Variants in TARS2 observed in about 807,000 individuals in gnomAD.
TARS2 encodes the protein threonine--tRNA ligase, mitochondrial.
Under a neutral mutation model 94.4 loss-of-function variants are expected in TARS2, and 61 were observed. The ratio of observed to expected loss-of-function variants is 0.65; its 90% confidence interval spans 0.53 to 0.80. The LOEUF (loss-of-function observed/expected upper bound fraction) is 0.80. Among genes scored for constraint, TARS2 ranks in the 30% least tolerant of loss-of-function variants. The probability of loss-of-function intolerance (pLI) is 0.00; values close to 1 mark genes in which losing one functional copy is unlikely to be tolerated. For missense variants in TARS2, 704 were observed against 902.5 expected, an observed-to-expected ratio of 0.78 and a Z score of 2.82; for synonymous variants, 359 against 353.4, an observed-to-expected ratio of 1.02 and a Z score of -0.18.
intron 13 of TARS2, among the ~76,000 whole-genome samples, chr1:150,503,930 C>G (rs10888584): frequency 0.6 from 89,324 of 148,844 alleles, 27,190 homozygotes; most frequent in African/African-American, 0.65. Flanking sequence ...AGGAATAATT[C>G]TCAGAGCTGG....
Position 150,494,086 on chromosome 1 carries a change from C to G in TARS2, c.774+1597C>G, listed in dbSNP as rs190683124. Among the ~76,000 whole-genome samples, 3 of 152,098 alleles carry G rather than the reference C, an allele frequency of 2.0e-5. No homozygotes were observed. The East Asian group carries it at 5.8e-4, about 29-fold the overall frequency. ...CCTCATAAAGATAATGAAAACCAGG[C>G]CAGGCATGGTGGCTCACACCTGTAA... On this transcript the variant is annotated intron_variant, in intron 7 of 17. Coordinates refer to ENST00000369064, the MANE Select transcript of TARS2 (RefSeq NM_025150.5).
intron 13 of TARS2, among the ~76,000 whole-genome samples, chr1:150,501,334 T>TTTTTTC (rs1553905147): frequency 3.0e-5 from 3 of 98,672 alleles, no homozygotes; most frequent in Admixed American, 2.2e-4. Context: ...TTTTTTTTTA[T>TTTTTTC]TGAGACTATG....
intron 13 of TARS2, among the ~76,000 whole-genome samples, chr1:150,503,644 T>TGTGTATAC (rs1570867230): frequency 8.5e-6 from 1 of 117,406 alleles, no homozygotes; most frequent in African/African-American, 3.0e-5. Context: ...TGTGTGTATA[T>TGTGTATAC]ATGTGTGTAT....
rs371469378 is a variant in TARS2, at chr1:150,489,937, G to A, written c.388-664G>A. On this transcript the variant is annotated intron_variant, in intron 3 of 17. Transcript: ENST00000369064. ...AGCCTGGGCGACAGAGCGAGACTCC[G>A]TCTCAAAAAGAAAAATTATTCTGAA... 5.3e-5 allele frequency among the ~76,000 whole-genome samples: 8 copies of A among 151,846 alleles called. No homozygotes were observed. In the East Asian group the frequency reaches 5.8e-4, roughly 11 times the overall value.
At position 150,507,294 on chromosome 1, in the gene TARS2, G is replaced by C. The variant is rs587699915; in HGVS notation, c.*230G>C. On this transcript the variant is annotated 3_prime_UTR_variant, in exon 18 of 18. Transcript: ENST00000369064. ...TACAAAAAAAAATAAATTGGGCCAG[G>C]CGCAGTGGCTCATGCCTGTAATCCC... The C allele has an allele frequency of 2.0e-4, 101 of 507,964 alleles. No individual in the cohort carries two copies. In the Middle Eastern group the frequency reaches 3.5e-3, roughly 17 times the overall value. 31.5% of individuals were successfully genotyped at this position (507,964 alleles called of 1,614,324 possible). A position where few individuals can be genotyped will look rare whatever the true frequency, so the allele number is the denominator to read the frequency against.
At chr1:150,495,936 G>A (rs924965615) in intron 7 of TARS2, among the ~76,000 whole-genome samples, 33 of 151,462 alleles carry the variant, frequency 2.2e-4, no homozygotes, top group Non-Finnish European at 4.4e-4. Flanking sequence ...TAGCCAGGAT[G>A]GTCTCGATCT....
chr1:150,491,321 A>G (rs1669372662), intron 4 of TARS2, 73 bp from the exon 5 acceptor site: 4 of 1,467,756 alleles, frequency 2.7e-6, no homozygotes, highest in Non-Finnish European at 3.8e-6. Context: ...CTTACCCGCT[A>G]GCCAACAGGT....
In TARS2 at chr1:150,507,084, G is replaced by A. The variant is rs1210811512; in HGVS notation, c.*20G>A. On this transcript the variant is annotated 3_prime_UTR_variant, in exon 18 of 18. Coordinates refer to ENST00000369064, the MANE Select transcript of TARS2 (RefSeq NM_025150.5). ...TTCTGAGCCTTTGTACATAGATGAG[G>A]CAAAAACCTGCGAGTGCCATCAGCC... The A allele has an allele frequency of 6.2e-7, 1 of 1,611,902 alleles. No individual in the cohort carries two copies. The highest frequency in any genetic ancestry group is 1.1e-5 in the South Asian group (1 of 90,952).
At chr1:150,501,474 ACC>A (rs1669918553) in intron 13 of TARS2, among the ~76,000 whole-genome samples, 1 of 23,346 alleles carries the variant, frequency 4.3e-5, no homozygotes, top group Admixed American at 3.1e-4. Context: ...GGCACCCATC[ACC>A]ATCACCATGC....
intron 6 of TARS2, 85 bp downstream of exon 6, chr1:150,491,747 A>G: frequency 7.1e-7 from 1 of 1,409,580 alleles, no homozygotes; most frequent in Non-Finnish European, 9.9e-7. Flanking sequence ...GAAAGATAGA[A>G]GGTAATTTGT....
chr1:150,504,972 C>G lies in TARS2; in HGVS notation c.1887C>G (p.Ala629=). 1 of 1,613,996 alleles carries G rather than the reference C, an allele frequency of 6.2e-7. No individual in the cohort carries two copies. Among genetic ancestry groups the G allele is most frequent in the Non-Finnish European group, 8.5e-7 (1 of 1,179,996 alleles). The change falls in exon 16 of 18, where the codon GCC becomes GCG. Residue 629 remains alanine (A), a synonymous_variant. Transcript: ENST00000369064. ...IPVGSEQEEY[A]KEAQQSLRAA... ...TGGGGAGTGAGCAAGAGGAATACGC[C>G]AAAGAGGTAAGGAGTTGAGGTAAGG...
At chr1:150,505,349 G>A (rs185018317) in intron 16 of TARS2, among the ~76,000 whole-genome samples, 163 of 152,288 alleles carry the variant, frequency 1.1e-3, no homozygotes, top group African/African-American at 3.6e-3. Context: ...AGAAGGCAAA[G>A]TCCACGGAAT....
chr1:150,504,609 A>AC lies in TARS2; in HGVS notation c.1719-15dup, dbSNP rs397690784. The AC allele has an allele frequency of 0.084, 132,649 of 1,580,618 alleles. 4,776 individuals are homozygous for AC. The highest frequency in any genetic ancestry group is 0.11 in the African/African-American group (8,048 of 73,484). On this transcript the variant is annotated intron_variant, in intron 14 of 17. Coordinates refer to ENST00000369064, the MANE Select transcript of TARS2 (RefSeq NM_025150.5). ...TCGTGATACTTCCACCATTCCATCC[A>AC]CCCCCCCCTTTTTCCTTTCAAGGCA...
intron 13 of TARS2, among the ~76,000 whole-genome samples, chr1:150,501,558 G>A (rs1021661431): frequency 2.0e-5 from 3 of 149,360 alleles, no homozygotes; most frequent in Non-Finnish European, 4.4e-5. Flanking sequence ...GGATGGTCTC[G>A]ATCTGCTGAC....
chr1:150,487,526 G>A lies in TARS2; in HGVS notation c.66+10G>A, dbSNP rs2102469982. 6.2e-7 allele frequency: 1 copy of A among 1,614,190 alleles called. No homozygotes were observed. The highest frequency in any genetic ancestry group is 1.1e-5 in the South Asian group (1 of 91,086). On this transcript the variant is annotated intron_variant, in intron 1 of 17. Coordinates refer to ENST00000369064, the MANE Select transcript of TARS2 (RefSeq NM_025150.5). ...TTGCAGGCTACACACGGTGCGTGAGGCACCCCCAAAGCTCCGATCCGCATC... is the reference window on the plus strand; with the variant it reads ...TTGCAGGCTACACACGGTGCGTGAGACACCCCCAAAGCTCCGATCCGCATC...
intron 10 of TARS2, 44 bp from the exon 11 acceptor site, chr1:150,498,458 C>CCG: frequency 6.6e-6 from 10 of 1,516,268 alleles, no homozygotes; most frequent in Admixed American, 4.7e-5. Context: ...TCTTCGGGGG[C>CCG]TAGTCCTCCC....
At chr1:150,503,685 G>GTA (rs1207042742) in intron 13 of TARS2, among the ~76,000 whole-genome samples, 6 of 148,012 alleles carry the variant, frequency 4.1e-5, no homozygotes, top group Non-Finnish European at 7.4e-5. Flanking sequence ...GTATATATGT[G>GTA]TATATATATG....
rs756030195 is a variant in TARS2, at chr1:150,497,686, G to A, written c.1177G>A (p.Asp393Asn). 15 of 1,614,126 alleles carry A rather than the reference G, an allele frequency of 9.3e-6. No individual in the cohort carries two copies. Among genetic ancestry groups the A allele is most frequent in the Non-Finnish European group, 1.1e-5 (13 of 1,180,032 alleles). Residue 393 changes from aspartate to asparagine, a missense_variant, in exon 10 of 18, where the codon GAT (aspartate) becomes AAT (asparagine). By Grantham distance (23) the Asp-to-Asn change is conservative. Coordinates refer to ENST00000369064, the MANE Select transcript of TARS2 (RefSeq NM_025150.5). ...CAGGCCTCCCAGCTCCCAGAGTGAC[G>A]ATTCTACCAGGCATATCACAGATAC... ...SDRPPSSQSDDSTRHITDTLA... is the reference protein window; with the variant it reads ...SDRPPSSQSDNSTRHITDTLA...
intron 17 of TARS2, among the ~76,000 whole-genome samples, chr1:150,506,516 A>AGTT (rs56830975): frequency 1.5e-5 from 2 of 131,224 alleles, no homozygotes; most frequent in African/African-American, 5.7e-5. Flanking sequence ...ACACACACAC[A>AGTT]GTTTCTCTCT....
Sources: gnomAD v4.1 joint callset for allele counts (sites outside exome capture counted in the v4.1 genomes callset) on GRCh38, gnomAD v4.1.1 for gene constraint, MANE v1.5 for transcripts, NCBI Gene and HGNC (gene_info 2026-07-23, HGNC 2026-07-21) for gene names.